Variants in TSNAXIP1 observed in about 807,000 individuals in gnomAD.
TSNAXIP1 encodes translin-associated factor X-interacting protein 1.
In TSNAXIP1, 89 loss-of-function variants were observed where a neutral mutation model predicts 84.8. The ratio of observed to expected loss-of-function variants is 1.05; its 90% CI spans 0.88 to 1.25. TSNAXIP1 has a LOEUF of 1.25. Ranked by LOEUF, TSNAXIP1 falls within the 50% of genes most tolerant of loss-of-function variation. The probability of loss-of-function intolerance (pLI) is 0.00; values close to 1 mark genes in which losing one functional copy is unlikely to be tolerated. For synonymous variants in TSNAXIP1, 347 were observed against 335.2 expected, an observed-to-expected ratio of 1.04 and a Z score of -0.39; for missense variants, 874 against 887.6, an observed-to-expected ratio of 0.98 and a Z score of 0.20.
At chr16:67,809,041 A>ATAC (rs2055772440) in intron 1 of TSNAXIP1, among the ~76,000 whole-genome samples, 1 of 145,088 alleles carries the variant, frequency 6.9e-6, no homozygotes. Context: ...AATAATAATA[A>ATAC]TAATAAAAGT....
chr16:67,810,147 A>G (rs1338500777), intron 1 of TSNAXIP1, among the ~76,000 whole-genome samples: 2 of 152,134 alleles, frequency 1.3e-5, no homozygotes, highest in Non-Finnish European at 2.9e-5. Context: ...ACATGTCATC[A>G]GGACCCTCTG....
At chr16:67,825,293 G>A (rs768340220) in intron 7 of TSNAXIP1, 21 bp downstream of exon 7, 34 of 1,613,098 alleles carry the variant, frequency 2.1e-5, no homozygotes, top group South Asian at 7.7e-5. Flanking sequence ...ATTGGGAATC[G>A]GGTTTCTCTC....
intron 1 of TSNAXIP1, 148 bp downstream of exon 1, chr16:67,807,344 G>A (rs1178802046): frequency 7.8e-6 from 12 of 1,533,828 alleles, no homozygotes; most frequent in Non-Finnish European, 1.0e-5. Context: ...GTTAGAATCG[G>A]GCTGATTTAG....
intron 1 of TSNAXIP1, chr16:67,807,423 G>A: frequency 6.7e-7 from 1 of 1,489,134 alleles, no homozygotes; most frequent in Non-Finnish European, 9.0e-7. Flanking sequence ...CAACCAGCTT[G>A]TATTGAATGT....
Position 67,827,574 on chromosome 16 carries a change from A to G in TSNAXIP1, c.1893A>G (p.Ile631Met). ...AGCAGCTAAAGCAGGAGCTTGGCATAGAACTGTGAGTGACCCTCATCCATA... is the reference window on the plus strand; with the variant it reads ...AGCAGCTAAAGCAGGAGCTTGGCATGGAACTGTGAGTGACCCTCATCCATA... ...YLQQLKQELG[I>M]ELHEEVTLPK... Residue 631 changes from isoleucine (I) to methionine (M), a missense_variant, in exon 15 of 16, where the codon ATA becomes ATG. Transcript: ENST00000561639. 1 of 1,614,216 alleles carries G rather than the reference A, an allele frequency of 6.2e-7. No homozygotes were observed. The highest frequency in any genetic ancestry group is 8.5e-7 in the Non-Finnish European group (1 of 1,180,016).
intron 1 of TSNAXIP1, among the ~76,000 whole-genome samples, chr16:67,808,992 GC>G (rs1003508838): frequency 1.3e-5 from 2 of 148,314 alleles, no homozygotes; most frequent in African/African-American, 5.0e-5. Context: ...TTCAAGACCA[GC>G]CTGGGAAACA....
chr16:67,825,092 G>A (rs771041703), intron 6 of TSNAXIP1, 45 bp from the exon 7 acceptor site: 2 of 1,602,510 alleles, frequency 1.2e-6, no homozygotes, highest in South Asian at 2.2e-5. Context: ...GCTGCATACA[G>A]GGGTCCAGGG....
chr16:67,812,154 A>G (rs371497461), intron 1 of TSNAXIP1, among the ~76,000 whole-genome samples: 34 of 152,186 alleles, frequency 2.2e-4, no homozygotes, highest in African/African-American at 7.0e-4. Flanking sequence ...ATCTGGCAAC[A>G]TAAATCACAC....
intron 2 of TSNAXIP1, among the ~76,000 whole-genome samples, chr16:67,816,011 C>G (rs1233101469): frequency 6.7e-6 from 1 of 149,214 alleles, no homozygotes; most frequent in Non-Finnish European, 1.5e-5. Flanking sequence ...CGCTGTCGCC[C>G]AGGCTGGAGT....
At chr16:67,807,703 G>A (rs776354520) in intron 1 of TSNAXIP1, 3 of 244,826 alleles carry the variant, frequency 1.2e-5, no homozygotes, top group South Asian at 3.9e-5. Flanking sequence ...GGCTGGTTTC[G>A]AACTCCTAGA....
At chr16:67,816,467 AAC>A (rs1424026837) in intron 2 of TSNAXIP1, among the ~76,000 whole-genome samples, 2 of 152,098 alleles carry the variant, frequency 1.3e-5, no homozygotes, top group Non-Finnish European at 2.9e-5. Context: ...GGAATTTGGA[AAC>A]ACATGGGCCA....
intron 1 of TSNAXIP1, among the ~76,000 whole-genome samples, chr16:67,808,384 G>A (rs538742305): frequency 1.3e-5 from 2 of 152,230 alleles, no homozygotes; most frequent in Admixed American, 6.5e-5. Flanking sequence ...AGACCATCCT[G>A]GCTAACGTGG....
At chr16:67,817,629 C>T (rs1166892834) in intron 2 of TSNAXIP1, among the ~76,000 whole-genome samples, 1 of 149,654 alleles carries the variant, frequency 6.7e-6, no homozygotes, top group African/African-American at 2.4e-5. Context: ...CGGTGGCTCA[C>T]GCCTGTAATC....
chr16:67,821,267 TG>T, intron 4 of TSNAXIP1, 42 bp downstream of exon 4: 2 of 829,394 alleles, frequency 2.4e-6, no homozygotes, highest in African/African-American at 1.7e-5. Flanking sequence ...GGGGGAAGGG[TG>T]GGAAGAAGCT....
At position 67,827,323 on chromosome 16, in the gene TSNAXIP1, A is replaced by C; in HGVS notation, c.1739A>C (p.His580Pro). 1.2e-6 allele frequency: 2 copies of C among 1,614,218 alleles called. No individual in the cohort carries two copies. The highest frequency in any genetic ancestry group is 3.3e-5 in the Admixed American group (2 of 60,024). The change falls in exon 14 of 16, where the codon CAT (histidine) becomes CCT (proline). Residue 580 changes from histidine to proline, a missense_variant. His to Pro is a moderately conservative substitution (Grantham distance 77). Transcript: ENST00000561639. ...GAGCTGATGGAGGCAGGGGGCTGGCATCCCAGCAGCAGCAATGCAGACTTG... is the reference window on the plus strand; with the variant it reads ...GAGCTGATGGAGGCAGGGGGCTGGCCTCCCAGCAGCAGCAATGCAGACTTG... ...IQELMEAGGWHPSSSNADLLN... is the reference protein window; with the variant it reads ...IQELMEAGGWPPSSSNADLLN...
At chr16:67,807,477 A>AT in intron 1 of TSNAXIP1, 1 of 1,161,816 alleles carries the variant, frequency 8.6e-7, no homozygotes, top group Non-Finnish European at 1.1e-6. Context: ...TAAATATTTT[A>AT]TTTTTGAGAC....
At chr16:67,812,698 G>T (rs1454013058) in intron 1 of TSNAXIP1, among the ~76,000 whole-genome samples, 1 of 151,826 alleles carries the variant, frequency 6.6e-6, no homozygotes, top group Non-Finnish European at 1.5e-5. Flanking sequence ...AGGTACAGTG[G>T]CTCACGCCTG....
intron 4 of TSNAXIP1, 36 bp downstream of exon 4, chr16:67,821,261 G>GGGT: frequency 4.0e-6 from 3 of 741,946 alleles, no homozygotes; most frequent in Non-Finnish European, 6.6e-6. Flanking sequence ...GAGGGCGGGG[G>GGGT]AAGGGTGGGA....
intron 13 of TSNAXIP1, 49 bp from the exon 14 acceptor site, chr16:67,827,200 A>G: frequency 6.2e-7 from 1 of 1,611,796 alleles, no homozygotes; most frequent in Non-Finnish European, 8.5e-7. Context: ...AGGGAGAGGC[A>G]CAAGCAGGCC....
Sources: allele counts gnomAD v4.1 joint callset (sites outside exome capture counted in the v4.1 genomes callset), GRCh38; gene constraint gnomAD v4.1.1; transcripts MANE v1.5; gene names NCBI Gene and HGNC (gene_info 2026-07-23, HGNC 2026-07-21).